LGALS4: variants seen among roughly 807,000 people sequenced by gnomAD.
The protein encoded by LGALS4 is galectin 4.
In LGALS4, 37 loss-of-function variants were observed where a neutral mutation model predicts 39.6. The observed-to-expected ratio is 0.93, with a 90% CI of 0.72 to 1.23. LGALS4 has a LOEUF of 1.23. Among genes scored for constraint, LGALS4 ranks in the 50% most tolerant of loss-of-function variants. The pLI, the probability that LGALS4 is intolerant of heterozygous loss-of-function variation, is 0.00. For missense variants in LGALS4, 397 were observed against 433.2 expected (o/e 0.92, Z 0.74); for synonymous variants, 160 against 165.5 (o/e 0.97, Z 0.25).
chr19:38,803,283 C>T (rs1971382352), intron 7 of LGALS4: 1 of 587,120 alleles, frequency 1.7e-6, no homozygotes, highest in East Asian at 2.8e-5. Flanking sequence ...TCCCAAAGTG[C>T]TGGGATTACA....
intron 4 of LGALS4, 73 bp from the exon 5 acceptor site, chr19:38,803,968 T>C (rs2145353729): frequency 6.7e-7 from 1 of 1,496,898 alleles, no homozygotes; most frequent in Non-Finnish European, 9.1e-7. Flanking sequence ...CGAGAGTGCC[T>C]GCCCTGGGGT....
intron 2 of LGALS4, 145 bp from the exon 3 acceptor site, chr19:38,809,093 G>C: frequency 1.5e-6 from 1 of 645,682 alleles, no homozygotes; most frequent in Non-Finnish European, 2.7e-6. Context: ...CCTTGGCACT[G>C]TGGGCCACAG....
intron 1 of LGALS4, 22 bp from the exon 2 acceptor site, chr19:38,812,541 G>A (rs374589269): frequency 5.6e-6 from 9 of 1,609,268 alleles, no homozygotes; most frequent in Non-Finnish European, 7.7e-6. Context: ...GCCTGGTGAG[G>A]GGACTCACAA....
At chr19:38,808,485 G>A (rs1188934746) in intron 3 of LGALS4, among the ~76,000 whole-genome samples, 5 of 151,988 alleles carry the variant, frequency 3.3e-5, no homozygotes, top group East Asian at 1.9e-4. Flanking sequence ...TTAGCTGAGC[G>A]TGGTGGCACG....
At chr19:38,811,193 G>A (rs1439575525) in intron 2 of LGALS4, among the ~76,000 whole-genome samples, 2 of 152,028 alleles carry the variant, frequency 1.3e-5, no homozygotes, top group Admixed American at 6.6e-5. Flanking sequence ...GAGCTACCGC[G>A]CCCGGCCTGG....
Position 38,801,716 on chromosome 19 carries a change from C to G in LGALS4, c.*48G>C, listed in dbSNP as rs1184371833. 1 of 1,601,560 alleles carries G rather than the reference C, an allele frequency of 6.2e-7. No homozygotes were observed. The highest frequency in any genetic ancestry group is 1.3e-5 in the African/African-American group (1 of 74,596). On this transcript the variant is annotated 3_prime_UTR_variant, in exon 10 of 10. Coordinates refer to ENST00000307751, the MANE Select transcript of LGALS4 (RefSeq NM_006149.4). ...TTTTATTAGGGGCTTAGAAAGGAGT[C>G]CTAGGGGATAATTCTGTTTTCCCAT...
At chr19:38,810,402 G>A (rs1328076552) in intron 2 of LGALS4, among the ~76,000 whole-genome samples, 4 of 116,328 alleles carry the variant, frequency 3.4e-5, no homozygotes, top group African/African-American at 1.0e-4. Context: ...TCGCTCTTTC[G>A]CCCAGGCTGG....
rs749814437 is a variant in LGALS4, at chr19:38,802,177, G to A, written c.660-20C>T. The A allele has an allele frequency of 3.1e-6, 5 of 1,611,946 alleles. No individual in the cohort carries two copies. Among genetic ancestry groups the A allele is most frequent in the Non-Finnish European group, 4.2e-6 (5 of 1,178,420 alleles). ...GCAAAGCTGGGGACAGAGAGGGATG[G>A]GGGAGTCAGATGGAGTCCAGTGGGA... On this transcript the variant is annotated intron_variant, in intron 8 of 9. Coordinates refer to ENST00000307751, the MANE Select transcript of LGALS4 (RefSeq NM_006149.4).
intron 2 of LGALS4, among the ~76,000 whole-genome samples, chr19:38,809,176 T>C (rs974459548): frequency 1.0e-4 from 6 of 59,784 alleles, no homozygotes; most frequent in Non-Finnish European, 1.2e-4. Flanking sequence ...TTTCCTTCTT[T>C]TTTTTTTTTT....
chr19:38,807,561 C>T (rs533014526), intron 3 of LGALS4, among the ~76,000 whole-genome samples: 19 of 151,482 alleles, frequency 1.3e-4, no homozygotes, highest in African/African-American at 4.6e-4. Flanking sequence ...CCGGCCGCCC[C>T]GTCTGGGAAG....
chr19:38,803,985 C>T (rs1000810037), intron 4 of LGALS4, 90 bp from the exon 5 acceptor site: 5 of 1,342,952 alleles, frequency 3.7e-6, no homozygotes, highest in Non-Finnish European at 5.2e-6. Context: ...GGGTGGCCCA[C>T]CACCACCACC....
At chr19:38,807,972 C>T (rs1599996597) in intron 3 of LGALS4, among the ~76,000 whole-genome samples, 1 of 152,134 alleles carries the variant, frequency 6.6e-6, no homozygotes. Flanking sequence ...CCCAGGGACA[C>T]AAACACTGTG....
intron 2 of LGALS4, among the ~76,000 whole-genome samples, chr19:38,809,173 CTTTTTT>C (rs34677297): frequency 3.8e-5 from 4 of 104,894 alleles, no homozygotes; most frequent in Admixed American, 2.2e-4. Context: ...GCCTTTCCTT[CTTTTTT>C]TTTTTTTTTT....
chr19:38,803,663 C>T, intron 6 of LGALS4, 79 bp downstream of exon 6: 5 of 1,595,728 alleles, frequency 3.1e-6, no homozygotes, highest in Non-Finnish European at 3.4e-6. Context: ...CCTTGGGCTG[C>T]AACCCCTCTT....
At chr19:38,811,744 T>C (rs1186679514) in intron 2 of LGALS4, among the ~76,000 whole-genome samples, 1 of 151,968 alleles carries the variant, frequency 6.6e-6, no homozygotes, top group African/African-American at 2.4e-5. Context: ...CCAGGCGCAG[T>C]GGCTCACGCC....
At chr19:38,806,124 T>C (rs1971418623) in intron 4 of LGALS4, among the ~76,000 whole-genome samples, 1 of 151,650 alleles carries the variant, frequency 6.6e-6, no homozygotes, top group African/African-American at 2.4e-5. Flanking sequence ...TCCCAGCACT[T>C]TGGGAAGTCG....
chr19:38,802,237 G>A, intron 8 of LGALS4, 79 bp downstream of exon 8: 1 of 1,595,376 alleles, frequency 6.3e-7, no homozygotes, highest in South Asian at 1.1e-5. Flanking sequence ...AATCCCTAAA[G>A]GAGGAGGGGA....
chr19:38,803,769 A>C lies in LGALS4; in HGVS notation c.513T>G (p.His171Gln), dbSNP rs765284785. Reference sequence around the variant, plus strand: ...GCAGGCTGTTCAGCTGTTGATGGCAATGTCCGGGACCCTGAACGATGGACA... The same window carrying C: ...GCAGGCTGTTCAGCTGTTGATGGCACTGTCCGGGACCCTGAACGATGGACA... Reference protein sequence around the residue: ...PMMPPYPGPGHCHQQLNSLPT... With the variant: ...PMMPPYPGPGQCHQQLNSLPT... The change falls in exon 6 of 10, where the codon CAT becomes CAG. Residue 171 changes from histidine to glutamine, a missense_variant. Coordinates refer to ENST00000307751, the MANE Select transcript of LGALS4 (RefSeq NM_006149.4). The C allele has an allele frequency of 2.0e-5, 32 of 1,613,544 alleles. No homozygotes were observed. The highest frequency in any genetic ancestry group is 2.7e-5 in the Non-Finnish European group (32 of 1,179,848).
At chr19:38,804,129 T>C (rs10775532) in intron 4 of LGALS4, among the ~76,000 whole-genome samples, 116,762 of 152,012 alleles carry the variant, frequency 0.77, 45,232 homozygotes, top group South Asian at 0.87. Flanking sequence ...TGGTCCATTT[T>C]GTTCTCTGTG....
Sources: gnomAD v4.1 joint callset for allele counts (sites outside exome capture counted in the v4.1 genomes callset) on GRCh38, gnomAD v4.1.1 for gene constraint, MANE v1.5 for transcripts, NCBI Gene and HGNC (gene_info 2026-07-23, HGNC 2026-07-21) for gene names.